Variants in NUBPL observed in about 807,000 individuals in gnomAD.
NUBPL encodes NUBP iron-sulfur cluster assembly factor, mitochondrial.
Under a neutral mutation model 45.7 loss-of-function variants are expected in NUBPL, and 31 were observed. The ratio of observed to expected loss-of-function variants is 0.68; its 90% CI spans 0.51 to 0.92. The LOEUF (loss-of-function observed/expected upper bound fraction) is 0.92, where lower values mean the gene tolerates loss of function less well. Among genes scored for constraint, NUBPL ranks in the 40% least tolerant of loss-of-function variants. NUBPL has a pLI of 0.00. For synonymous variants in NUBPL, 144 were observed against 140.9 expected, an observed-to-expected ratio of 1.02 and a Z score of -0.15; for missense variants, 401 against 398.7, an observed-to-expected ratio of 1.01 and a Z score of -0.05.
In NUBPL at chr14:31,619,276, C is replaced by T. The variant is rs1040295140; in HGVS notation, c.382+19897C>T. On this transcript the variant is annotated intron_variant, in intron 4 of 10. Coordinates refer to ENST00000281081, the MANE Select transcript of NUBPL (RefSeq NM_025152.3). ...GTGTGTTTTAATTGGGACATTTAGCCCATTTACATTTAAGGTTAATATTGT... is the reference window on the plus strand; with the variant it reads ...GTGTGTTTTAATTGGGACATTTAGCTCATTTACATTTAAGGTTAATATTGT... 2.6e-5 allele frequency among the ~76,000 whole-genome samples: 4 copies of T among 152,222 alleles called. No homozygotes were observed. In the South Asian group the frequency reaches 8.3e-4, roughly 32 times the overall value.
At chr14:31,765,928 T>C (rs10139963) in intron 6 of NUBPL, among the ~76,000 whole-genome samples, 13,434 of 152,222 alleles carry the variant, frequency 0.088, 729 homozygotes, top group African/African-American at 0.15. Context: ...ATAAGGATCT[T>C]ACAGCTTTAG....
At chr14:31,569,350 C>T (rs964336960) in intron 3 of NUBPL, among the ~76,000 whole-genome samples, 1 of 152,114 alleles carries the variant, frequency 6.6e-6, no homozygotes, top group Admixed American at 6.6e-5. Context: ...GTGCCCGCCA[C>T]AACACCCAGC....
intron 6 of NUBPL, among the ~76,000 whole-genome samples, chr14:31,782,367 C>T (rs889960359): frequency 9.2e-5 from 14 of 152,268 alleles, no homozygotes; most frequent in South Asian, 4.2e-4. Flanking sequence ...TGCACTCCAG[C>T]CTGGGCGACA....
At chr14:31,581,828 T>G (rs2139496378) in intron 3 of NUBPL, among the ~76,000 whole-genome samples, 1 of 152,280 alleles carries the variant, frequency 6.6e-6, no homozygotes, top group Admixed American at 6.5e-5. Flanking sequence ...CTGGGTAAGT[T>G]TACCTCAGAA....
intron 6 of NUBPL, among the ~76,000 whole-genome samples, chr14:31,735,723 A>C (rs1336330716): frequency 6.6e-6 from 1 of 152,116 alleles, no homozygotes; most frequent in African/African-American, 2.4e-5. Flanking sequence ...GTCGTCGCGC[A>C]TGCCTGTAAT....
At chr14:31,854,832 G>A (rs1327716616) in intron 10 of NUBPL, among the ~76,000 whole-genome samples, 4 of 152,084 alleles carry the variant, frequency 2.6e-5, no homozygotes, top group East Asian at 3.8e-4. Flanking sequence ...TGCCTTGCAC[G>A]CAATACAAAC....
rs535329035 is a variant in NUBPL, at chr14:31,601,772, C to A, written c.382+2393C>A. Reference sequence around the variant, plus strand: ...TGGAGAGGATGTGGAGAAATAGGAACACTTTGACACTGTTGGTGGGACTGT... The same window carrying A: ...TGGAGAGGATGTGGAGAAATAGGAAAACTTTGACACTGTTGGTGGGACTGT... On this transcript the variant is annotated intron_variant, in intron 4 of 10. Transcript: ENST00000281081. Among the ~76,000 whole-genome samples, 359 of 152,262 alleles carry A rather than the reference C, an allele frequency of 2.4e-3. 1 individual carries two copies. The highest frequency in any genetic ancestry group is 8.5e-3 in the African/African-American group (352 of 41,554).
chr14:31,590,348 C>T (rs1462497597), intron 3 of NUBPL, among the ~76,000 whole-genome samples: 1 of 151,794 alleles, frequency 6.6e-6, no homozygotes, highest in Non-Finnish European at 1.5e-5. Context: ...AAATTATTTC[C>T]TCCCATCCCA....
intron 6 of NUBPL, among the ~76,000 whole-genome samples, chr14:31,676,085 C>T (rs2036689071): frequency 6.6e-6 from 1 of 151,242 alleles, no homozygotes; most frequent in African/African-American, 2.4e-5. Context: ...TGCAATAGTG[C>T]CATCTCAGCT....
chr14:31,751,008 A>G (rs4981902), intron 6 of NUBPL, among the ~76,000 whole-genome samples: 83,929 of 151,938 alleles, frequency 0.55, 25,477 homozygotes, highest in African/African-American at 0.83. Flanking sequence ...AGAGGGAAGT[A>G]CTACTTTTAA....
At chr14:31,754,591 C>CTTTTTTTTTTTTT (rs59085679) in intron 6 of NUBPL, among the ~76,000 whole-genome samples, 1 of 103,698 alleles carries the variant, frequency 9.6e-6, no homozygotes, top group African/African-American at 3.7e-5. Flanking sequence ...AGAGGGTTTT[C>CTTTTTTTTTTTTT]TTTTTTTTTT....
intron 4 of NUBPL, among the ~76,000 whole-genome samples, chr14:31,635,002 T>A (rs2035449861): frequency 6.6e-6 from 1 of 150,644 alleles, no homozygotes; most frequent in African/African-American, 2.5e-5. Context: ...CTCTGTCAGA[T>A]GAGTAGGTTG....
At chr14:31,773,443 G>A (rs990603090) in intron 6 of NUBPL, among the ~76,000 whole-genome samples, 3 of 152,198 alleles carry the variant, frequency 2.0e-5, no homozygotes, top group Non-Finnish European at 4.4e-5. Flanking sequence ...TCCAGAGATG[G>A]ATGTAAATAT....
intron 1 of NUBPL, 47 bp from the exon 2 acceptor site, chr14:31,562,021 G>T: frequency 6.5e-7 from 1 of 1,541,404 alleles, no homozygotes; most frequent in South Asian, 1.2e-5. Context: ...TGTGATGATG[G>T]AGATGGCTTA....
chr14:31,668,873 C>G (rs2036502735), intron 4 of NUBPL, among the ~76,000 whole-genome samples: 1 of 152,134 alleles, frequency 6.6e-6, no homozygotes, highest in Non-Finnish European at 1.5e-5. Flanking sequence ...GCTGCCCTTT[C>G]CCTCTAACCA....
At chr14:31,751,894 C>T (rs1342169580) in intron 6 of NUBPL, among the ~76,000 whole-genome samples, 1 of 152,186 alleles carries the variant, frequency 6.6e-6, no homozygotes, top group Non-Finnish European at 1.5e-5. Flanking sequence ...TTCTTGCCTT[C>T]TGTGCTCCTA....
chr14:31,784,567 A>G (rs1310744104), intron 6 of NUBPL, among the ~76,000 whole-genome samples: 15 of 152,314 alleles, frequency 9.8e-5, no homozygotes, highest in Non-Finnish European at 4.4e-5. Flanking sequence ...CTCAGGCCTC[A>G]TGATCACATT....
At chr14:31,656,212 A>T (rs1321694428) in intron 4 of NUBPL, among the ~76,000 whole-genome samples, 1 of 152,192 alleles carries the variant, frequency 6.6e-6, no homozygotes. Flanking sequence ...TCTAGATTAC[A>T]TTCTGGGTTA....
Position 31,561,409 on chromosome 14 carries a change from C to T in NUBPL, c.-31C>T. On this transcript the variant is annotated 5_prime_UTR_variant, in exon 1 of 11. Transcript: ENST00000281081. ...CACTCCGCGCCACCCGCGACAGTTT[C>T]CCAGCAGGGCTCACAGCAGCGTTCC... 2 of 1,278,490 alleles carry T rather than the reference C, an allele frequency of 1.6e-6. No homozygotes were observed. Among genetic ancestry groups the T allele is most frequent in the Non-Finnish European group, 2.0e-6 (2 of 985,306 alleles). The allele number at this position is 1,278,490 out of a possible 1,614,324, so 79.2% of individuals were successfully genotyped here. A position where few individuals can be genotyped will look rare whatever the true frequency, so the allele number is the denominator to read the frequency against.
Sources: allele counts gnomAD v4.1 joint callset (sites outside exome capture counted in the v4.1 genomes callset), GRCh38; gene constraint gnomAD v4.1.1; transcripts MANE v1.5; gene names NCBI Gene and HGNC (gene_info 2026-07-23, HGNC 2026-07-21).